VPS26A: variants seen among roughly 807,000 people sequenced by gnomAD.
VPS26A encodes the protein vacuolar protein sorting-associated protein 26A.
Under a neutral mutation model 42.4 loss-of-function variants are expected in VPS26A, and 22 were observed. The observed-to-expected ratio is 0.52, with a 90% CI of 0.37 to 0.74. VPS26A has a LOEUF of 0.74. Among genes scored for constraint, VPS26A ranks in the 30% least tolerant of loss-of-function variants. VPS26A has a pLI of 0.00. For missense variants in VPS26A, 276 were observed against 379.2 expected, an observed-to-expected ratio of 0.73 and a Z score of 2.26; for synonymous variants, 110 against 123.5, an observed-to-expected ratio of 0.89 and a Z score of 0.73.
At chr10:69,155,556 T>C (rs756119093) in intron 2 of VPS26A, among the ~76,000 whole-genome samples, 13 of 152,218 alleles carry the variant, frequency 8.5e-5, no homozygotes, top group Admixed American at 5.9e-4. Context: ...TTTATAGTTC[T>C]CCACCTATTA....
intron 2 of VPS26A, among the ~76,000 whole-genome samples, chr10:69,150,798 C>T (rs552476371): frequency 1.3e-5 from 2 of 152,254 alleles, no homozygotes; most frequent in Non-Finnish European, 2.9e-5. Flanking sequence ...TATATATATG[C>T]ATGCCCATAT....
At chr10:69,134,549 A>G (rs1026240293) in intron 2 of VPS26A, among the ~76,000 whole-genome samples, 102 of 152,324 alleles carry the variant, frequency 6.7e-4, no homozygotes, top group African/African-American at 2.4e-3. Flanking sequence ...GCAGCATTGA[A>G]TATGATCACT....
At chr10:69,127,262 A>G (rs983152060) in intron 1 of VPS26A, among the ~76,000 whole-genome samples, 1 of 149,452 alleles carries the variant, frequency 6.7e-6, no homozygotes, top group Non-Finnish European at 1.5e-5. Flanking sequence ...TTCATTTTCG[A>G]TATGCCCTAA....
Position 69,168,453 on chromosome 10 carries a change from A to C in VPS26A, c.728-36A>C, listed in dbSNP as rs765289497. ...ACCTGTTATGTGACTATATTTAATC[A>C]TCTTTAGAATTAAGTAGAAATTCCT... On this transcript the variant is annotated intron_variant, in intron 7 of 8. Transcript: ENST00000263559. 3 of 1,597,520 alleles carry C rather than the reference A, an allele frequency of 1.9e-6. No homozygotes were observed. In the Admixed American group the frequency reaches 5.2e-5, roughly 28 times the overall value.
chr10:69,146,479 T>G (rs1841164436), intron 2 of VPS26A, among the ~76,000 whole-genome samples: 1 of 152,260 alleles, frequency 6.6e-6, no homozygotes, highest in Non-Finnish European at 1.5e-5. Context: ...TCAGTGGAAT[T>G]AATTCCATTG....
chr10:69,161,674 C>T, intron 5 of VPS26A: 1 of 361,852 alleles, frequency 2.8e-6, no homozygotes, highest in South Asian at 2.5e-5. Flanking sequence ...TCCCCAGTTT[C>T]TTCTTGTCAT....
In VPS26A at chr10:69,173,211, A is replaced by T. The variant is rs573597465; in HGVS notation, c.*1942A>T. 1.9e-3 allele frequency among the ~76,000 whole-genome samples: 284 copies of T among 152,312 alleles called. 1 individual carries two copies. The highest frequency in any genetic ancestry group is 1.8e-3 in the Non-Finnish European group (123 of 68,024). On this transcript the variant is annotated 3_prime_UTR_variant, in exon 9 of 9. Transcript: ENST00000263559. Reference sequence around the variant, plus strand: ...ATTTGTGTCTTTAATGAAGAGTTACAATGTCTAATCCATTGGTTCTCAACC... The same window carrying T: ...ATTTGTGTCTTTAATGAAGAGTTACTATGTCTAATCCATTGGTTCTCAACC...
At chr10:69,152,008 C>CT (rs909813138) in intron 2 of VPS26A, among the ~76,000 whole-genome samples, 23 of 150,278 alleles carry the variant, frequency 1.5e-4, no homozygotes, top group Non-Finnish European at 2.4e-4. Context: ...TATTTTTTGC[C>CT]TTTTTTTTTA....
In VPS26A at chr10:69,124,226, TCTC is replaced by T. The variant is rs1176032029; in HGVS notation, c.-49_-47del. On this transcript the variant is annotated 5_prime_UTR_variant, in exon 1 of 9. Transcript: ENST00000263559. ...AGCGGAGGGAGCCGGGGCTGGGAGT[TCTC>T]CTGAGGGAAGAGGAGTGGAGTAGGG... is the stretch of plus-strand genomic sequence containing the variant. 11 of 1,278,480 alleles carry T rather than the reference TCTC, an allele frequency of 8.6e-6. No homozygotes were observed. Among genetic ancestry groups the T allele is most frequent in the Non-Finnish European group, 1.1e-5 (11 of 1,007,234 alleles). 79.2% of individuals were successfully genotyped at this position (1,278,480 alleles called of 1,614,324 possible). A position where few individuals can be genotyped will look rare whatever the true frequency, so the allele number is the denominator to read the frequency against.
At chr10:69,143,634 A>T (rs946253741) in intron 2 of VPS26A, among the ~76,000 whole-genome samples, 3 of 152,128 alleles carry the variant, frequency 2.0e-5, no homozygotes, top group African/African-American at 7.2e-5. Flanking sequence ...CTCTAAGCTA[A>T]ATATGCTATT....
At chr10:69,125,613 T>C (rs1840633259) in intron 1 of VPS26A, among the ~76,000 whole-genome samples, 1 of 152,268 alleles carries the variant, frequency 6.6e-6, no homozygotes, top group African/African-American at 2.4e-5. Flanking sequence ...ATTATTACTT[T>C]TAATACGCTT....
At chr10:69,168,358 C>T (rs1409552045) in intron 7 of VPS26A, 131 bp from the exon 8 acceptor site, 11 of 1,019,218 alleles carry the variant, frequency 1.1e-5, no homozygotes, top group Non-Finnish European at 1.4e-5. Context: ...GAGGATGAAC[C>T]CTGGTCTTTG....
intron 2 of VPS26A, among the ~76,000 whole-genome samples, chr10:69,146,709 A>G (rs1341806895): frequency 1.3e-5 from 2 of 152,152 alleles, no homozygotes; most frequent in Admixed American, 6.5e-5. Flanking sequence ...GCATGTTTTC[A>G]GGGTTCATCC....
intron 5 of VPS26A, 124 bp downstream of exon 5, chr10:69,158,335 C>A: frequency 1.2e-6 from 1 of 832,936 alleles, no homozygotes; most frequent in Non-Finnish European, 1.7e-6. Context: ...TCAACAGGAT[C>A]TCTGAGCTAA....
In VPS26A at chr10:69,171,276, C is replaced by A; in HGVS notation, c.*7C>A. 1 of 1,600,796 alleles carries A rather than the reference C, an allele frequency of 6.2e-7. No homozygotes were observed. Among genetic ancestry groups the A allele is most frequent in the Non-Finnish European group, 8.5e-7 (1 of 1,176,604 alleles). Reference sequence around the variant, plus strand: ...CGAACAGCCTGAAATGTGAACTGAACAGGAGAAAAAAAGAAAAGCAAAAAA... The same window carrying A: ...CGAACAGCCTGAAATGTGAACTGAAAAGGAGAAAAAAAGAAAAGCAAAAAA... On this transcript the variant is annotated 3_prime_UTR_variant, in exon 9 of 9. Coordinates refer to ENST00000263559, the MANE Select transcript of VPS26A (RefSeq NM_004896.5).
At chr10:69,169,115 A>G (rs1841758491) in intron 8 of VPS26A, among the ~76,000 whole-genome samples, 1 of 151,668 alleles carries the variant, frequency 6.6e-6, no homozygotes, top group Non-Finnish European at 1.5e-5. Context: ...TCTTGGGCTT[A>G]AGCAATCCTC....
At chr10:69,134,414 A>G (rs1196880713) in intron 2 of VPS26A, among the ~76,000 whole-genome samples, 2 of 152,200 alleles carry the variant, frequency 1.3e-5, no homozygotes, top group African/African-American at 4.8e-5. Context: ...TCCTTAGAAT[A>G]GATTGCTGAA....
chr10:69,171,986 A>G lies in VPS26A; in HGVS notation c.*717A>G, dbSNP rs1315900977. On this transcript the variant is annotated 3_prime_UTR_variant, in exon 9 of 9. Transcript: ENST00000263559. ...CCATATTAAGTAACAGTTTTGCTAT[A>G]TTCCAGTAGTACCGTTGTGTGTTTT... The G allele has an allele frequency of 6.6e-6, 1 of 152,108 alleles. No homozygotes were observed. Among genetic ancestry groups the G allele is most frequent in the African/African-American group, 2.4e-5 (1 of 41,406 alleles). The allele number at this position is 152,108 out of a possible 1,614,324, so 9.4% of individuals were successfully genotyped here.
At position 69,150,404 on chromosome 10, in the gene VPS26A, G is replaced by A. The variant is rs191594664; in HGVS notation, c.154-5408G>A. ...GCACTGTGATTATGTAAGAGAATGC[G>A]AATTTTCTTTTCTTTTTTGAGATGG... On this transcript the variant is annotated intron_variant, in intron 2 of 8. Coordinates refer to ENST00000263559, the MANE Select transcript of VPS26A (RefSeq NM_004896.5). 6.3e-4 allele frequency among the ~76,000 whole-genome samples: 95 copies of A among 150,164 alleles called. 2 individuals carry two copies. The East Asian group carries it at 0.013, about 21-fold the overall frequency.
Sources: allele counts gnomAD v4.1 joint callset (sites outside exome capture counted in the v4.1 genomes callset), GRCh38; gene constraint gnomAD v4.1.1; transcripts MANE v1.5; gene names NCBI Gene and HGNC (gene_info 2026-07-23, HGNC 2026-07-21).